Variants in CD163L1 observed in about 807,000 individuals in gnomAD.
The protein encoded by CD163L1 is scavenger receptor cysteine-rich type 1 protein M160.
In CD163L1, 124 loss-of-function variants were observed where a neutral mutation model predicts 165.4. The observed-to-expected ratio is 0.75, with a 90% CI of 0.65 to 0.87. CD163L1 has a LOEUF of 0.87. Among genes scored for constraint, CD163L1 ranks in the 40% least tolerant of loss-of-function variants. The pLI, the probability that CD163L1 is intolerant of heterozygous loss-of-function variation, is 0.00. For synonymous variants in CD163L1, 585 were observed against 662.2 expected (o/e 0.88, Z 1.79); for missense variants, 1,525 against 1,799.9 (o/e 0.85, Z 2.76).
intron 4 of CD163L1, among the ~76,000 whole-genome samples, chr12:7,421,837 G>A (rs1565811374): frequency 6.6e-6 from 1 of 151,254 alleles, no homozygotes; most frequent in East Asian, 1.9e-4. Flanking sequence ...CTCATAAGTG[G>A]GAGCTAAGCT....
At chr12:7,386,427 C>CA (rs890253758) in intron 8 of CD163L1, among the ~76,000 whole-genome samples, 3 of 151,390 alleles carry the variant, frequency 2.0e-5, no homozygotes, top group African/African-American at 4.8e-5. Context: ...CAAACTATTC[C>CA]AAAAAAATCA....
Position 7,439,892 on chromosome 12 carries a change from C to T in CD163L1, c.124+1262G>A, listed in dbSNP as rs953457524. 2.5e-6 allele frequency: 4 copies of T among 1,603,820 alleles called. No homozygotes were observed. In the Admixed American group the frequency reaches 5.1e-5, roughly 21 times the overall value. ...GCTGCGTCATTATCCCCGCCCACTA[C>T]TCCAACTCCTTCTTCGACTTCGGCC... On this transcript the variant is annotated intron_variant, in intron 2 of 19. Coordinates refer to ENST00000313599, the MANE Select transcript of CD163L1 (RefSeq NM_174941.6).
In CD163L1 at chr12:7,348,133, A is replaced by G. The variant is rs118103010; in HGVS notation, c.*25-986T>C. 3.9e-5 allele frequency among the ~76,000 whole-genome samples: 6 copies of G among 152,358 alleles called. No homozygotes were observed. In the East Asian group the frequency reaches 7.7e-4, roughly 20 times the overall value. ...TAATACCAGGAGGTGTAAATAGGCT[A>G]TACTAAAATTAATAAAAATATTGAG... On this transcript the variant is annotated intron_variant, in intron 4 of 4. Transcript: ENST00000539726.
rs1948427995 is a variant in CD163L1 at position 7,421,604 on chromosome 12, CACATATACATATATGTACAT to C, written c.766+10792_766+10811del. Among the ~76,000 whole-genome samples the C allele has an allele frequency of 6.1e-4, 6 of 9,894 alleles. No individual in the cohort carries two copies. The East Asian group carries it at 8.6e-3, about 14-fold the overall frequency. The allele number at this position is 9,894 out of a possible 152,430, so 6.5% of individuals were successfully genotyped here. ...ACATATATACATATACATATATGTA[CACATATACATATATGTACAT>C]ATATACATATATGTACACATATACA... On this transcript the variant is annotated intron_variant, in intron 4 of 19. Coordinates refer to ENST00000313599, the MANE Select transcript of CD163L1 (RefSeq NM_174941.6).
In CD163L1 at chr12:7,428,600, G is replaced by A. The variant is rs114598395; in HGVS notation, c.766+3816C>T. On this transcript the variant is annotated intron_variant, in intron 4 of 19. Coordinates refer to ENST00000313599, the MANE Select transcript of CD163L1 (RefSeq NM_174941.6). The stretch of plus-strand genomic sequence containing the variant: ...TTACCAGCTTCTGGACTAAAGCCCC[G>A]TTCCTCACTTCTTCATTCTCCCATT... Among the ~76,000 whole-genome samples, 1,464 of 152,040 alleles carry A rather than the reference G, an allele frequency of 9.6e-3. 27 individuals carry two copies. Among genetic ancestry groups the A allele is most frequent in the African/African-American group, 0.033 (1,357 of 41,510 alleles).
chr12:7,335,190 C>T, the CD163L1 span, among the ~76,000 whole-genome samples: 1 of 152,196 alleles, frequency 6.6e-6, no homozygotes, highest in African/African-American at 2.4e-5. Context: ...CCAAGTCAAT[C>T]CTAAGCCAAA....
At chr12:7,326,965 T>C in the CD163L1 span, 30 of 1,588,112 alleles carry the variant, frequency 1.9e-5, no homozygotes, top group Non-Finnish European at 2.6e-5. Flanking sequence ...AAATTAACTT[T>C]TCTGTTGCAG....
chr12:7,324,987 T>C, the CD163L1 span, among the ~76,000 whole-genome samples: 8 of 152,212 alleles, frequency 5.3e-5, no homozygotes, highest in Non-Finnish European at 1.2e-4. Flanking sequence ...TTCTTCCTAC[T>C]TGATAGCAAC....
At chr12:7,430,783 G>A (rs184103245) in intron 4 of CD163L1, among the ~76,000 whole-genome samples, 18 of 152,154 alleles carry the variant, frequency 1.2e-4, no homozygotes, top group African/African-American at 4.3e-4. Context: ...AGAAATGAAG[G>A]AGGAAGAGTT....
chr12:7,373,027 T>C (rs1947175636), intron 14 of CD163L1, among the ~76,000 whole-genome samples: 1 of 152,224 alleles, frequency 6.6e-6, no homozygotes, highest in Non-Finnish European at 1.5e-5. Context: ...ATTTTTCATT[T>C]TTTAAAACAC....
chr12:7,399,548 T>A (rs946401895), intron 6 of CD163L1, among the ~76,000 whole-genome samples: 5 of 96,250 alleles, frequency 5.2e-5, no homozygotes, highest in Non-Finnish European at 7.7e-5. Context: ...TCTTTCTTTC[T>A]TGCTTTCTTT....
At chr12:7,357,535 G>T (rs374609042) in intron 18 of CD163L1, 49 bp from the exon 19 acceptor site, 95 of 1,505,184 alleles carry the variant, frequency 6.3e-5, no homozygotes, top group Admixed American at 1.5e-4. Flanking sequence ...AAACCTCTCT[G>T]CAGAGGGAAG....
chr12:7,334,340 G>T, the CD163L1 span, among the ~76,000 whole-genome samples: 382 of 152,192 alleles, frequency 2.5e-3, no homozygotes, highest in African/African-American at 8.1e-3. Context: ...TTCAACATAC[G>T]AAAATCAATA....
In CD163L1 at chr12:7,374,764, G is replaced by A. The variant is rs769387721; in HGVS notation, c.3095-8C>T. ...GGCGGAGCCGTTTGTCCTCTTAGAGGAGAAAGTCCAGTTAATAGGTCACAT... is the reference window on the plus strand; with the variant it reads ...GGCGGAGCCGTTTGTCCTCTTAGAGAAGAAAGTCCAGTTAATAGGTCACAT... On this transcript the variant is annotated splice_region_variant and splice_polypyrimidine_tract_variant and intron_variant, in intron 12 of 19. Transcript: ENST00000313599. This position sits in a 1 kb window ranked among gnomAD's most constrained non-coding sequence, Gnocchi z 5.4. 9 of 1,613,572 alleles carry A rather than the reference G, an allele frequency of 5.6e-6. No homozygotes were observed. The highest frequency in any genetic ancestry group is 7.6e-6 in the Non-Finnish European group (9 of 1,179,748).
Position 7,406,844 on chromosome 12 carries a change from C to T in CD163L1, c.775G>A (p.Asp259Asn), listed in dbSNP as rs1317470880. ...DVTLTCYDSS[D>N]LELRLVGGTN... is the part of the protein sequence containing the mutation. ...CCACCTACAAGCCTTAGTTCAAGAT[C>T]ACTACTATCTGAAACAGAGATATAA... The change falls in exon 5 of 20, where the codon GAT becomes AAT. Residue 259 changes from aspartate to asparagine, a missense_variant. Asp to Asn is a conservative substitution (Grantham distance 23). Coordinates refer to ENST00000313599, the MANE Select transcript of CD163L1 (RefSeq NM_174941.6). The T allele has an allele frequency of 4.3e-6, 7 of 1,613,768 alleles. No individual in the cohort carries two copies. Among genetic ancestry groups the T allele is most frequent in the Non-Finnish European group, 5.9e-6 (7 of 1,179,936 alleles).
chr12:7,351,276 A>G (rs1193795361), downstream of CD163L1, among the ~76,000 whole-genome samples: 1 of 152,134 alleles, frequency 6.6e-6, no homozygotes, highest in Non-Finnish European at 1.5e-5. Context: ...TGCTGAGATG[A>G]GTACGTCTTA....
intron 8 of CD163L1, among the ~76,000 whole-genome samples, chr12:7,383,843 A>C (rs1947461439): frequency 6.6e-6 from 1 of 152,218 alleles, no homozygotes; most frequent in African/African-American, 2.4e-5. Context: ...CAACCCCAAA[A>C]TATGAAAGCA....
intron 8 of CD163L1, among the ~76,000 whole-genome samples, chr12:7,391,393 T>G (rs1455206023): frequency 6.6e-6 from 1 of 152,108 alleles, no homozygotes; most frequent in African/African-American, 2.4e-5. Flanking sequence ...AGAAGTAGGC[T>G]TCAGAAGGTC....
At chr12:7,333,288 G>A in the CD163L1 span, among the ~76,000 whole-genome samples, 2 of 152,112 alleles carry the variant, frequency 1.3e-5, no homozygotes, top group Non-Finnish European at 2.9e-5. Context: ...ATAACAAACT[G>A]TCTCTCAGAC....
Sources: allele counts gnomAD v4.1 joint callset (sites outside exome capture counted in the v4.1 genomes callset), GRCh38; gene constraint gnomAD v4.1.1; non-coding constraint Gnocchi (gnomAD v3.1); transcripts MANE v1.5; gene names NCBI Gene and HGNC (gene_info 2026-07-23, HGNC 2026-07-21).